The following CADM2 variants were observed in gnomAD, a reference collection of about 807,000 sequenced individuals.
The protein encoded by CADM2 is immunoglobulin superfamily member 4D.
A neutral mutation model predicts 49.8 loss-of-function variants in CADM2; 12 were observed. That is an observed-to-expected ratio of 0.24 (90% CI 0.15 to 0.39). CADM2 has a LOEUF of 0.39. Among genes scored for constraint, CADM2 ranks in the 10% least tolerant of loss-of-function variants. The probability of loss-of-function intolerance (pLI) is 1.00; values close to 1 mark genes in which losing one functional copy is unlikely to be tolerated. For missense variants in CADM2, 378 were observed against 492.3 expected (o/e 0.77, Z 2.20); for synonymous variants, 214 against 175.4 (o/e 1.22, Z -1.74).
chr3:85,575,504 T>TGGCA (rs2062605466), intron 1 of CADM2, among the ~76,000 whole-genome samples: 1 of 152,178 alleles, frequency 6.6e-6, no homozygotes, highest in South Asian at 2.1e-4. Context: ...TGAGCCGAGA[T>TGGCA]GGCACCACTG....
intron 1 of CADM2, among the ~76,000 whole-genome samples, chr3:85,696,506 C>G (rs538155403): frequency 5.3e-5 from 8 of 152,092 alleles, no homozygotes; most frequent in African/African-American, 1.9e-4. Flanking sequence ...TTTCCCAGGA[C>G]CATTTATCGA....
rs142247028 is a variant in CADM2 at position 85,089,925 on chromosome 3, C to T, written c.61+130257C>T. ...CTTTTTCCTACCACATTTCTATTGG[C>T]GGGGACTGAAAGTTTCTCTGGATTT... On this transcript the variant is annotated intron_variant, in intron 1 of 9. Coordinates refer to ENST00000383699, the MANE Select transcript of CADM2 (RefSeq NM_001167675.2). Among the ~76,000 whole-genome samples the T allele has an allele frequency of 4.3e-3, 662 of 152,184 alleles. 1 individual carries two copies. Among genetic ancestry groups the T allele is most frequent in the Non-Finnish European group, 7.5e-3 (513 of 67,982 alleles).
At chr3:85,705,150 G>A (rs1323548826) in intron 1 of CADM2, among the ~76,000 whole-genome samples, 1 of 150,250 alleles carries the variant, frequency 6.7e-6, no homozygotes, top group South Asian at 2.1e-4. Context: ...ACAGGTGTGA[G>A]CCAGTGCATC....
At chr3:85,062,041 C>T (rs1348760669) in intron 1 of CADM2, among the ~76,000 whole-genome samples, 1 of 151,180 alleles carries the variant, frequency 6.6e-6, no homozygotes, top group Non-Finnish European at 1.5e-5. Flanking sequence ...CTCTCTGTCT[C>T]TCTCTCTGTC....
At chr3:85,918,582 C>T (rs979628210) in intron 6 of CADM2, among the ~76,000 whole-genome samples, 1 of 152,058 alleles carries the variant, frequency 6.6e-6, no homozygotes, top group Non-Finnish European at 1.5e-5. Context: ...ATTTTTGCAT[C>T]AGTGTTCATC....
At chr3:85,586,697 C>A (rs959007244) in intron 1 of CADM2, among the ~76,000 whole-genome samples, 2 of 152,010 alleles carry the variant, frequency 1.3e-5, no homozygotes, top group African/African-American at 4.8e-5. Flanking sequence ...TTTACCATTC[C>A]TTTTAATGAA....
intron 1 of CADM2, among the ~76,000 whole-genome samples, chr3:85,597,899 T>G (rs2063290236): frequency 6.6e-6 from 1 of 152,082 alleles, no homozygotes; most frequent in Admixed American, 6.6e-5. Context: ...TAGTTATATA[T>G]TTTGGAAAAT....
chr3:85,859,197 G>T lies in CADM2; in HGVS notation c.239-24094G>T, dbSNP rs115913707. On this transcript the variant is annotated intron_variant, in intron 3 of 9. Transcript: ENST00000383699. The stretch of plus-strand genomic sequence containing the variant: ...TAAACATAACTGGAAATATATACAA[G>T]CTACCTTGTGCTTTTCTTTTTTTTG... 1.4e-3 allele frequency among the ~76,000 whole-genome samples: 212 copies of T among 147,182 alleles called. 1 individual carries two copies. Among genetic ancestry groups the T allele is most frequent in the Non-Finnish European group, 2.8e-3 (185 of 66,898 alleles).
intron 7 of CADM2, among the ~76,000 whole-genome samples, chr3:85,940,919 A>G (rs571620098): frequency 4.7e-4 from 71 of 150,858 alleles, no homozygotes; most frequent in Non-Finnish European, 7.1e-4. Flanking sequence ...GATTTCTCCT[A>G]TACCCCCGTC....
At chr3:85,134,919 T>C (rs1452287218) in intron 1 of CADM2, among the ~76,000 whole-genome samples, 1 of 152,106 alleles carries the variant, frequency 6.6e-6, no homozygotes, top group Non-Finnish European at 1.5e-5. Flanking sequence ...TGAATACTGT[T>C]CATTATACTG....
intron 1 of CADM2, among the ~76,000 whole-genome samples, chr3:85,661,363 A>G (rs939105760): frequency 1.4e-5 from 2 of 146,530 alleles, no homozygotes; most frequent in Non-Finnish European, 3.0e-5. Flanking sequence ...TTGGGAGTAA[A>G]TGAGATCATG....
At chr3:85,171,576 G>C (rs765948919) in intron 1 of CADM2, among the ~76,000 whole-genome samples, 1 of 152,130 alleles carries the variant, frequency 6.6e-6, no homozygotes, top group Non-Finnish European at 1.5e-5. Context: ...ACACAGAAAG[G>C]CTTAACTCAC....
At chr3:85,970,545 G>A (rs1373650158) in intron 8 of CADM2, among the ~76,000 whole-genome samples, 1 of 151,462 alleles carries the variant, frequency 6.6e-6, no homozygotes, top group African/African-American at 2.4e-5. Flanking sequence ...AGGTTAGCAA[G>A]GTTATAATAA....
chr3:85,157,784 G>T (rs1461831368), intron 1 of CADM2, among the ~76,000 whole-genome samples: 2 of 151,994 alleles, frequency 1.3e-5, no homozygotes, highest in Non-Finnish European at 2.9e-5. Context: ...GCATGGGCAA[G>T]GACTTCATGT....
chr3:85,838,996 A>T (rs2074521269), intron 3 of CADM2, among the ~76,000 whole-genome samples: 2 of 151,962 alleles, frequency 1.3e-5, no homozygotes, highest in South Asian at 2.1e-4. Context: ...CAGAATCTTG[A>T]GGTGGGATGG....
chr3:85,574,985 G>A (rs975041795), intron 1 of CADM2, among the ~76,000 whole-genome samples: 1 of 152,058 alleles, frequency 6.6e-6, no homozygotes, highest in Non-Finnish European at 1.5e-5. Context: ...TAGACTATAG[G>A]AGAGTGAGTC....
intron 1 of CADM2, among the ~76,000 whole-genome samples, chr3:85,293,521 T>C (rs1273650558): frequency 1.5e-5 from 2 of 134,326 alleles, no homozygotes; most frequent in Non-Finnish European, 3.2e-5. Context: ...TTGATGAACA[T>C]TGATGCAAAA....
At chr3:85,668,731 T>C (rs932566593) in intron 1 of CADM2, among the ~76,000 whole-genome samples, 1 of 152,146 alleles carries the variant, frequency 6.6e-6, no homozygotes, top group African/African-American at 2.4e-5. Context: ...ATTAAACCTC[T>C]TTCTTTTGTA....
intron 1 of CADM2, among the ~76,000 whole-genome samples, chr3:85,062,029 GTCTC>G (rs897469765): frequency 1.3e-5 from 2 of 151,166 alleles, no homozygotes; most frequent in Non-Finnish European, 3.0e-5. Flanking sequence ...CTCTGTCTCT[GTCTC>G]TCTGTCTCTC....
Sources: allele counts gnomAD v4.1 joint callset (sites outside exome capture counted in the v4.1 genomes callset), GRCh38; gene constraint gnomAD v4.1.1; transcripts MANE v1.5; gene names NCBI Gene and HGNC (gene_info 2026-07-23, HGNC 2026-07-21).